MIER1: variants seen among roughly 807,000 people sequenced by gnomAD.
MIER1 encodes mesoderm induction early response protein 1.
MIER1 carries 40 observed loss-of-function variants against 75.7 expected under a neutral mutation model. The observed-to-expected ratio is 0.53, with a 90% CI of 0.41 to 0.69. The LOEUF (loss-of-function observed/expected upper bound fraction) is 0.69, where lower values mean the gene tolerates loss of function less well. Among genes scored for constraint, MIER1 ranks in the 30% least tolerant of loss-of-function variants. The pLI is 0.00. For synonymous variants in MIER1, 213 were observed against 223.4 expected (o/e 0.95, Z 0.42); for missense variants, 574 against 680.2 (o/e 0.84, Z 1.74).
At chr1:66,955,917 T>C (rs981684811) in intron 4 of MIER1, among the ~76,000 whole-genome samples, 2 of 152,180 alleles carry the variant, frequency 1.3e-5, no homozygotes, top group East Asian at 1.9e-4. Context: ...TAATAAAGTA[T>C]CAGTGCCTGA....
At chr1:66,937,587 A>G (rs1655214792) in intron 2 of MIER1, among the ~76,000 whole-genome samples, 1 of 148,846 alleles carries the variant, frequency 6.7e-6, no homozygotes, top group Admixed American at 6.6e-5. Context: ...TCCATCTCAA[A>G]AAAAAGAAAA....
At chr1:66,955,819 C>G (rs1301096233) in intron 4 of MIER1, among the ~76,000 whole-genome samples, 1 of 152,074 alleles carries the variant, frequency 6.6e-6, no homozygotes, top group African/African-American at 2.4e-5. Flanking sequence ...CAATAGTGAT[C>G]AGTTGCTAAA....
chr1:66,939,625 T>G (rs1387846646), intron 2 of MIER1, among the ~76,000 whole-genome samples: 7 of 152,164 alleles, frequency 4.6e-5, no homozygotes, highest in Non-Finnish European at 8.8e-5. Context: ...ACACTCACTT[T>G]TTTTAAGTCG....
chr1:66,964,448 C>CTTTTTTTTTTTT (rs71058483), intron 8 of MIER1, among the ~76,000 whole-genome samples: 5 of 119,792 alleles, frequency 4.2e-5, no homozygotes, highest in African/African-American at 1.6e-4. Flanking sequence ...TGTATGTTTC[C>CTTTTTTTTTTTT]TTTTTTTTTT....
At chr1:66,965,399 A>T (rs1558084766) in intron 8 of MIER1, among the ~76,000 whole-genome samples, 2 of 151,774 alleles carry the variant, frequency 1.3e-5, no homozygotes, top group Admixed American at 1.3e-4. Flanking sequence ...TTATATTATA[A>T]ATTTATATTA....
chr1:66,984,877 G>A lies in MIER1; in HGVS notation c.1675G>A (p.Glu559Lys), dbSNP rs764968725. The A allele has an allele frequency of 6.3e-7, 1 of 1,594,460 alleles. No individual in the cohort carries two copies. The highest frequency in any genetic ancestry group is 2.2e-5 in the East Asian group (1 of 44,728). The stretch of plus-strand genomic sequence containing the variant: ...AGCAGTCTCACATGGGAAATTTGAA[G>A]AACTTGAAAACACAGATGACTAAAT... ...QEAVSHGKFE[E>K]LENTDD Residue 559 changes from glutamate (E) to lysine (K), a missense_variant, in exon 14 of 14, where the codon GAA becomes AAA. Physicochemically the swap from Glu to Lys is moderately conservative, Grantham distance 56 (BLOSUM62 1). Coordinates refer to ENST00000401041, the MANE Select transcript of MIER1 (RefSeq NM_001077700.3).
intron 4 of MIER1, among the ~76,000 whole-genome samples, chr1:66,955,571 T>G (rs919966660): frequency 6.6e-6 from 1 of 152,024 alleles, no homozygotes; most frequent in African/African-American, 2.4e-5. Flanking sequence ...GAAGATGAGT[T>G]CAAAATAGAG....
intron 11 of MIER1, among the ~76,000 whole-genome samples, chr1:66,975,016 A>T (rs1291004689): frequency 6.6e-6 from 1 of 152,148 alleles, no homozygotes; most frequent in East Asian, 1.9e-4. Context: ...GATTTTTTTT[A>T]AAGTCCTGAT....
chr1:66,981,174 A>C (rs930706667), intron 12 of MIER1, among the ~76,000 whole-genome samples: 14 of 152,198 alleles, frequency 9.2e-5, no homozygotes, highest in Non-Finnish European at 2.9e-5. Context: ...CACCAATGTC[A>C]CTTAACCACA....
At chr1:66,929,132 C>T (rs1652497356) in intron 2 of MIER1, 4 of 654,090 alleles carry the variant, frequency 6.1e-6, no homozygotes, top group Admixed American at 2.6e-5. Flanking sequence ...TTAATAGCCT[C>T]CCCTATATTG....
At chr1:66,966,736 T>C (rs1161101799) in intron 8 of MIER1, among the ~76,000 whole-genome samples, 1 of 152,238 alleles carries the variant, frequency 6.6e-6, no homozygotes, top group Non-Finnish European at 1.5e-5. Context: ...TTCTAACGGT[T>C]GTGAGATGGT....
intron 13 of MIER1, among the ~76,000 whole-genome samples, chr1:66,982,757 T>C (rs1385457648): frequency 1.3e-5 from 2 of 152,042 alleles, no homozygotes; most frequent in Non-Finnish European, 2.9e-5. Flanking sequence ...CCTGCTGGAG[T>C]GTATATGCTT....
chr1:66,987,222 G>T lies in MIER1; in HGVS notation c.*2322G>T, dbSNP rs1666896541. 1 of 152,608 alleles carries T rather than the reference G, an allele frequency of 6.6e-6. No individual in the cohort carries two copies. The allele number at this position is 152,608 out of a possible 1,614,324, so 9.5% of individuals were successfully genotyped here. On this transcript the variant is annotated 3_prime_UTR_variant, in exon 14 of 14. Coordinates refer to ENST00000401041, the MANE Select transcript of MIER1 (RefSeq NM_001077700.3). ...ATACAGGTATTTCACACAATAATTT[G>T]TTCTTAATGCAGCCACTATAACTTG...
intron 11 of MIER1, among the ~76,000 whole-genome samples, chr1:66,974,918 T>G (rs1664395381): frequency 6.6e-6 from 1 of 152,226 alleles, no homozygotes; most frequent in Non-Finnish European, 1.5e-5. Context: ...TGACTTTATC[T>G]TTTTGCTTTC....
At chr1:66,952,459 G>C (rs1442648097) in intron 4 of MIER1, among the ~76,000 whole-genome samples, 1 of 152,038 alleles carries the variant, frequency 6.6e-6, no homozygotes, top group Non-Finnish European at 1.5e-5. Flanking sequence ...CAGAATTTGG[G>C]GGTGCAGAGA....
chr1:66,947,060 A>G, intron 4 of MIER1: 1 of 946,236 alleles, frequency 1.1e-6, no homozygotes, highest in Non-Finnish European at 1.3e-6. Context: ...TTGCATCAGA[A>G]TCAACCCTGT....
chr1:66,971,060 A>G, intron 9 of MIER1, 101 bp downstream of exon 9: 1 of 1,043,102 alleles, frequency 9.6e-7, no homozygotes, highest in Non-Finnish European at 1.4e-6. Flanking sequence ...ACTTTTTATA[A>G]CATTATTGAC....
chr1:66,970,723 C>CT (rs1663423277), intron 8 of MIER1, 85 bp from the exon 9 acceptor site: 1 of 1,062,322 alleles, frequency 9.4e-7, no homozygotes, highest in South Asian at 2.0e-5. Flanking sequence ...ACATTTGGCT[C>CT]TGAGTTGTTT....
chr1:66,928,555 C>T (rs1652369974), intron 2 of MIER1, among the ~76,000 whole-genome samples: 1 of 152,202 alleles, frequency 6.6e-6, no homozygotes, highest in South Asian at 2.1e-4. Context: ...TCTGTACCCA[C>T]CTCAGGTCCA....
Sources: allele counts gnomAD v4.1 joint callset (sites outside exome capture counted in the v4.1 genomes callset), GRCh38; gene constraint gnomAD v4.1.1; transcripts MANE v1.5; gene names NCBI Gene and HGNC (gene_info 2026-07-23, HGNC 2026-07-21).